NLRP14: variants seen among roughly 807,000 people sequenced by gnomAD.
The protein encoded by NLRP14 is NLR family pyrin domain containing 14, also known as NACHT, LRR and PYD domains-containing protein 14.
NLRP14 carries 105 observed loss-of-function variants against 94.7 expected under a neutral mutation model. That is an observed-to-expected ratio of 1.11 (90% CI 0.95 to 1.30). NLRP14 has a LOEUF of 1.30. NLRP14 is among the 50% of genes most tolerant of loss of function. The probability of loss-of-function intolerance (pLI) is 0.00; values close to 1 mark genes in which losing one functional copy is unlikely to be tolerated. For missense variants in NLRP14, 1,362 were observed against 1,254.1 expected (o/e 1.09, Z -1.30); for synonymous variants, 508 against 459.9 (o/e 1.10, Z -1.34).
intron 5 of NLRP14, 110 bp downstream of exon 5, chr11:7,046,942 C>A (rs1308018355): frequency 2.4e-6 from 2 of 845,264 alleles, no homozygotes; most frequent in African/African-American, 1.7e-5. Context: ...ACTTACAATC[C>A]ATTTTGTAAA....
At chr11:7,047,253 A>C (rs1373977437) in intron 5 of NLRP14, among the ~76,000 whole-genome samples, 1 of 152,148 alleles carries the variant, frequency 6.6e-6, no homozygotes, top group Non-Finnish European at 1.5e-5. Context: ...CTTTATAACC[A>C]ACACACCCAA....
chr11:7,088,989 C>G, the NLRP14 span: 5 of 1,078,420 alleles, frequency 4.6e-6, no homozygotes, highest in Non-Finnish European at 6.8e-6. Context: ...GCTCCGGCTG[C>G]GGTTCCGTGG....
chr11:7,052,810 T>G (rs1852459966), intron 6 of NLRP14, among the ~76,000 whole-genome samples: 1 of 152,172 alleles, frequency 6.6e-6, no homozygotes, highest in African/African-American at 2.4e-5. Context: ...ATACAATTGT[T>G]TATAATCATG....
chr11:7,028,481 GC>G (rs1414216613), intron 1 of NLRP14, among the ~76,000 whole-genome samples: 5 of 152,054 alleles, frequency 3.3e-5, no homozygotes, highest in Non-Finnish European at 5.9e-5. Flanking sequence ...GCTTGCTTCT[GC>G]CATTGCTGTA....
At chr11:7,021,036 G>A (rs1851921813) in intron 1 of NLRP14, among the ~76,000 whole-genome samples, 1 of 152,098 alleles carries the variant, frequency 6.6e-6, no homozygotes, top group South Asian at 2.1e-4. Flanking sequence ...GCATCTTTGG[G>A]CCCTGTCCTT....
the NLRP14 span, chr11:7,089,601 C>G: frequency 1.7e-3 from 2,043 of 1,195,300 alleles, 39 homozygotes; most frequent in African/African-American, 0.028. Flanking sequence ...CGGCCCACCC[C>G]CCAAGAGGGC....
At chr11:7,040,584 C>T (rs746223119) in intron 3 of NLRP14, among the ~76,000 whole-genome samples, 1 of 152,152 alleles carries the variant, frequency 6.6e-6, no homozygotes, top group Non-Finnish European at 1.5e-5. Context: ...TTATTAACAC[C>T]ATTTCCCCAC....
the NLRP14 span, among the ~76,000 whole-genome samples, chr11:7,080,066 T>C: frequency 6.6e-6 from 1 of 152,104 alleles, no homozygotes; most frequent in African/African-American, 2.4e-5. Context: ...AAGTCTGGCT[T>C]TGAAAGCAGA....
At chr11:7,080,305 A>G in the NLRP14 span, among the ~76,000 whole-genome samples, 933 of 152,316 alleles carry the variant, frequency 6.1e-3, 6 homozygotes, top group African/African-American at 0.022. Context: ...CAGAAAATTA[A>G]GAATTGTTGT....
chr11:7,029,530 G>C (rs538236440), intron 1 of NLRP14, among the ~76,000 whole-genome samples: 1 of 152,076 alleles, frequency 6.6e-6, no homozygotes, highest in Non-Finnish European at 1.5e-5. Context: ...GGATCTTTGC[G>C]CTCAGCAAAC....
chr11:7,037,336 A>G (rs946490447), intron 1 of NLRP14, among the ~76,000 whole-genome samples: 17 of 152,188 alleles, frequency 1.1e-4, no homozygotes, highest in African/African-American at 3.9e-4. Flanking sequence ...GATTTACTAT[A>G]TGTTTCGAGA....
At chr11:7,037,522 C>G (rs1852177923) in intron 1 of NLRP14, among the ~76,000 whole-genome samples, 2 of 152,154 alleles carry the variant, frequency 1.3e-5, no homozygotes, top group African/African-American at 4.8e-5. Flanking sequence ...CACTTACTAG[C>G]TCTATCTCTT....
At chr11:7,090,515 A>T in the NLRP14 span, 4 of 637,358 alleles carry the variant, frequency 6.3e-6, no homozygotes. Flanking sequence ...TCTTTCAACA[A>T]GCTCCTGTTA....
chr11:7,031,092 A>C (rs894629133), intron 1 of NLRP14, among the ~76,000 whole-genome samples: 1 of 152,180 alleles, frequency 6.6e-6, no homozygotes, highest in East Asian at 1.9e-4. Flanking sequence ...GGGAGGAGGA[A>C]GGTGAGGCAT....
At chr11:7,036,366 C>G (rs1168114401) in intron 1 of NLRP14, among the ~76,000 whole-genome samples, 1 of 152,112 alleles carries the variant, frequency 6.6e-6, no homozygotes, top group Non-Finnish European at 1.5e-5. Context: ...ATAGTATATT[C>G]TACTCTACTA....
At position 7,070,467 on chromosome 11, in the gene NLRP14, A is replaced by G. The variant is rs1397134102; in HGVS notation, c.3146+11A>G. The G allele has an allele frequency of 5.6e-6, 9 of 1,603,242 alleles. No individual in the cohort carries two copies. Among genetic ancestry groups the G allele is most frequent in the Non-Finnish European group, 2.6e-6 (3 of 1,171,006 alleles). ...ACTACAAGTTCTAGGGTAAGTCTCCATTGGCTTCTCAGGGGGAGCATTTCC... is the reference window on the plus strand; with the variant it reads ...ACTACAAGTTCTAGGGTAAGTCTCCGTTGGCTTCTCAGGGGGAGCATTTCC... On this transcript the variant is annotated intron_variant, in intron 11 of 11. Transcript: ENST00000299481.
intron 1 of NLRP14, among the ~76,000 whole-genome samples, chr11:7,033,682 C>T (rs1852125684): frequency 6.6e-6 from 1 of 152,038 alleles, no homozygotes; most frequent in Non-Finnish European, 1.5e-5. Context: ...TTTTGGTTGG[C>T]CATTTGTGTT....
intron 7 of NLRP14, 82 bp downstream of exon 7, chr11:7,057,929 T>C: frequency 8.5e-7 from 1 of 1,173,674 alleles, no homozygotes; most frequent in South Asian, 1.2e-5. Context: ...GGGAAACTTC[T>C]TGGGTCTTGG....
intron 1 of NLRP14, among the ~76,000 whole-genome samples, chr11:7,034,039 C>G (rs1443669118): frequency 6.6e-6 from 1 of 152,180 alleles, no homozygotes; most frequent in African/African-American, 2.4e-5. Context: ...CTGTCCCCAC[C>G]TGCTCCCATA....
Sources: allele counts gnomAD v4.1 joint callset (sites outside exome capture counted in the v4.1 genomes callset), GRCh38; gene constraint gnomAD v4.1.1; transcripts MANE v1.5; gene names NCBI Gene and HGNC (gene_info 2026-07-23, HGNC 2026-07-21).